The following PIEZO2 variants were observed in gnomAD, a reference collection of about 807,000 sequenced individuals.
The protein encoded by PIEZO2 is piezo type mechanosensitive ion channel component 2, also known as piezo-type mechanosensitive ion channel component 2.
In PIEZO2, 172 loss-of-function variants were observed where a neutral mutation model predicts 337.3. The ratio of observed to expected loss-of-function variants is 0.51; its 90% confidence interval spans 0.45 to 0.58. PIEZO2 has a LOEUF of 0.58. PIEZO2 is among the 20% of genes least tolerant of loss of function. PIEZO2 has a pLI of 0.00. For synonymous variants in PIEZO2, 1,251 were observed against 1,228.5 expected, an observed-to-expected ratio of 1.02 and a Z score of -0.38; for missense variants, 3,028 against 3,391.3, an observed-to-expected ratio of 0.89 and a Z score of 2.66.
chr18:11,093,720 C>G (rs9950654), intron 1 of PIEZO2, among the ~76,000 whole-genome samples: 36,187 of 150,596 alleles, frequency 0.24, 4,742 homozygotes, highest in East Asian at 0.47. Context: ...CCGAGTAGCT[C>G]GGACTACAGG....
At chr18:10,992,742 T>C (rs760288794) in intron 2 of PIEZO2, among the ~76,000 whole-genome samples, 19 of 152,210 alleles carry the variant, frequency 1.2e-4, no homozygotes, top group Non-Finnish European at 2.2e-4. Flanking sequence ...AAGTTTAAAG[T>C]AGTTTTTTTC....
intron 36 of PIEZO2, among the ~76,000 whole-genome samples, chr18:10,723,259 G>A (rs1170719809): frequency 6.6e-6 from 1 of 152,104 alleles, no homozygotes; most frequent in African/African-American, 2.4e-5. Flanking sequence ...GAGCCACCGC[G>A]CCTGGCCTCC....
chr18:10,696,639 T>C lies in PIEZO2; in HGVS notation c.6828-100A>G, dbSNP rs9954308. 0.048 allele frequency: 65,493 copies of C among 1,369,378 alleles called. 4,354 individuals carry two copies. The highest frequency in any genetic ancestry group is 0.26 in the African/African-American group (17,717 of 69,190). The allele number at this position is 1,369,378 out of a possible 1,614,324, so 84.8% of individuals were successfully genotyped here. A position where few individuals can be genotyped will look rare whatever the true frequency, so the allele number is the denominator to read the frequency against. Reference sequence around the variant, plus strand: ...CCATCATGCCACTCCTCTGCATTCCTCTTTCCAGTCAGGTCCCACCTTCCT... The same window carrying C: ...CCATCATGCCACTCCTCTGCATTCCCCTTTCCAGTCAGGTCCCACCTTCCT... On this transcript the variant is annotated intron_variant, in intron 45 of 55. Transcript: ENST00000674853.
chr18:11,128,815 T>C lies in PIEZO2; in HGVS notation c.64+19710A>G, dbSNP rs1455850328. ...GTGCACTACACTCAAAAAGAACTGTTTGAGTTCTCTAATTTATATAAACAA... is the reference window on the plus strand; with the variant it reads ...GTGCACTACACTCAAAAAGAACTGTCTGAGTTCTCTAATTTATATAAACAA... On this transcript the variant is annotated intron_variant, in intron 1 of 55. Transcript: ENST00000674853. The surrounding 1 kb of genome is among the most constrained non-coding windows in gnomAD (Gnocchi z 4.1). 6.6e-6 allele frequency among the ~76,000 whole-genome samples: 1 copy of C among 152,116 alleles called. No homozygotes were observed. Among genetic ancestry groups the C allele is most frequent in the Non-Finnish European group, 1.5e-5 (1 of 68,026 alleles).
chr18:11,037,377 A>G (rs2145791272), intron 2 of PIEZO2, among the ~76,000 whole-genome samples: 1 of 152,358 alleles, frequency 6.6e-6, no homozygotes, highest in Middle Eastern at 3.4e-3. Flanking sequence ...TTTATTGTTA[A>G]TGTATTGGTC....
intron 15 of PIEZO2, among the ~76,000 whole-genome samples, chr18:10,788,163 A>G (rs1054230450): frequency 2.0e-5 from 3 of 152,176 alleles, no homozygotes; most frequent in South Asian, 2.1e-4. Flanking sequence ...GAACTCTGGA[A>G]GGCCGAGGAG....
In PIEZO2 at chr18:10,910,668, T is replaced by C. The variant is rs904662424; in HGVS notation, c.329+518A>G. 3.3e-5 allele frequency among the ~76,000 whole-genome samples: 5 copies of C among 152,318 alleles called. No homozygotes were observed. The East Asian group carries it at 5.8e-4, about 18-fold the overall frequency. ...ATGGACCTACCAGCACATTTTCTGA[T>C]GTTTTAATGAGTCTATTTTTGTTTC... On this transcript the variant is annotated intron_variant, in intron 4 of 55. Transcript: ENST00000674853.
At chr18:10,905,278 C>A (rs551108370) in intron 4 of PIEZO2, among the ~76,000 whole-genome samples, 1 of 152,018 alleles carries the variant, frequency 6.6e-6, no homozygotes, top group South Asian at 2.1e-4. Flanking sequence ...CCATGTACTG[C>A]GGGCTTATAA....
chr18:10,924,755 T>C (rs1052742503), intron 3 of PIEZO2, among the ~76,000 whole-genome samples: 3 of 152,212 alleles, frequency 2.0e-5, no homozygotes, highest in Non-Finnish European at 4.4e-5. Flanking sequence ...TCAGTTTCCA[T>C]AGGCGGAGGA....
intron 5 of PIEZO2, among the ~76,000 whole-genome samples, chr18:10,866,114 G>A (rs1052252622): frequency 3.9e-5 from 6 of 152,078 alleles, no homozygotes; most frequent in Non-Finnish European, 7.4e-5. Flanking sequence ...AATTAAATGG[G>A]CGAAATAAAA....
chr18:11,062,443 A>C (rs1161963840), intron 2 of PIEZO2, among the ~76,000 whole-genome samples: 4 of 152,250 alleles, frequency 2.6e-5, no homozygotes, highest in African/African-American at 9.6e-5. Context: ...TCTGCACAGC[A>C]AAAGAAACTA....
intron 8 of PIEZO2, among the ~76,000 whole-genome samples, chr18:10,806,509 T>C (rs756649648): frequency 2.6e-5 from 4 of 152,058 alleles, no homozygotes; most frequent in Admixed American, 6.6e-5. Context: ...TGGAAGAATA[T>C]TCGAATCCCC....
At chr18:10,925,807 A>G (rs1160960967) in intron 3 of PIEZO2, among the ~76,000 whole-genome samples, 1 of 152,148 alleles carries the variant, frequency 6.6e-6, no homozygotes, top group Non-Finnish European at 1.5e-5. Flanking sequence ...TGACCTCGTG[A>G]TCTGCCCGCC....
At position 10,680,451 on chromosome 18, in the gene PIEZO2, A is replaced by T. The variant is rs527393542; in HGVS notation, c.7780-80T>A. The T allele has an allele frequency of 6.2e-6, 8 of 1,298,734 alleles. No individual in the cohort carries two copies. The Admixed American group carries it at 1.7e-4, about 28-fold the overall frequency. The allele number at this position is 1,298,734 out of a possible 1,614,324, so 80.5% of individuals were successfully genotyped here. On this transcript the variant is annotated intron_variant, in intron 51 of 55. Coordinates refer to ENST00000674853, the MANE Select transcript of PIEZO2 (RefSeq NM_001378183.1). ...AAGAAAGCAGTCACTCTTCCTTTTA[A>T]CTGGCAGTATGGAAAAGGTTTCTCC... is the stretch of plus-strand genomic sequence containing the variant.
rs139046556 is a variant in PIEZO2 at position 10,976,488 on chromosome 18, C to T, written c.286+3047G>A. 3.1e-3 allele frequency among the ~76,000 whole-genome samples: 477 copies of T among 152,224 alleles called. 3 individuals carry two copies. Among genetic ancestry groups the T allele is most frequent in the African/African-American group, 0.011 (449 of 41,536 alleles). ...TCTATTGGTTACTTCATCAAAAATA[C>T]TGGAACTTGAAATTGGAACTATAAC... On this transcript the variant is annotated intron_variant, in intron 3 of 55. Coordinates refer to ENST00000674853, the MANE Select transcript of PIEZO2 (RefSeq NM_001378183.1).
chr18:10,731,710 T>A lies in PIEZO2; in HGVS notation c.4915-189A>T, dbSNP rs181701420. 5.3e-5 allele frequency among the ~76,000 whole-genome samples: 8 copies of A among 152,274 alleles called. No homozygotes were observed. In the East Asian group the frequency reaches 1.5e-3, roughly 29 times the overall value. On this transcript the variant is annotated intron_variant, in intron 35 of 55. Coordinates refer to ENST00000674853, the MANE Select transcript of PIEZO2 (RefSeq NM_001378183.1). ...AGACAACAGATGTTGTAGTAATATA[T>A]TTCATCTGGTATCACAGATATCATG...
chr18:10,927,159 A>G (rs1598702442), intron 3 of PIEZO2, among the ~76,000 whole-genome samples: 1 of 152,100 alleles, frequency 6.6e-6, no homozygotes, highest in Admixed American at 6.6e-5. Flanking sequence ...ACTGGCAGCC[A>G]CTTTTCCATG....
intron 1 of PIEZO2, among the ~76,000 whole-genome samples, chr18:11,091,729 T>C (rs964131266): frequency 6.6e-6 from 1 of 152,186 alleles, no homozygotes; most frequent in Non-Finnish European, 1.5e-5. Context: ...GGGTTTGTTC[T>C]TGTTCATAGT....
chr18:10,933,308 C>T (rs969358471), intron 3 of PIEZO2, among the ~76,000 whole-genome samples: 5 of 152,022 alleles, frequency 3.3e-5, no homozygotes, highest in African/African-American at 1.2e-4. Context: ...CTTAAAATTC[C>T]TTTTAATTTC....
Sources: allele counts gnomAD v4.1 joint callset (sites outside exome capture counted in the v4.1 genomes callset), GRCh38; gene constraint gnomAD v4.1.1; non-coding constraint Gnocchi (gnomAD v3.1); transcripts MANE v1.5; gene names NCBI Gene and HGNC (gene_info 2026-07-23, HGNC 2026-07-21).